PROM1: variants seen among roughly 807,000 people sequenced by gnomAD.
PROM1 encodes the protein prominin 1.
Under a neutral mutation model 116.9 loss-of-function variants are expected in PROM1, and 105 were observed. The ratio of observed to expected loss-of-function variants is 0.90; its 90% CI spans 0.77 to 1.06. The LOEUF (loss-of-function observed/expected upper bound fraction) is 1.06, where lower values mean the gene tolerates loss of function less well. PROM1 is among the 50% of genes least tolerant of loss of function. The probability of loss-of-function intolerance (pLI) is 0.00; values close to 1 mark genes in which losing one functional copy is unlikely to be tolerated. For synonymous variants in PROM1, 393 were observed against 387.0 expected (o/e 1.02, Z -0.18); for missense variants, 1,122 against 1,045.2 (o/e 1.07, Z -1.01).
chr4:16,040,554 A>C (rs948632425), intron 2 of PROM1, among the ~76,000 whole-genome samples: 2 of 152,270 alleles, frequency 1.3e-5, no homozygotes, highest in African/African-American at 4.8e-5. Context: ...TGCACAGCAT[A>C]ATATGTTGCA....
chr4:16,008,897 G>C, intron 12 of PROM1, 52 bp downstream of exon 12: 2 of 1,472,528 alleles, frequency 1.4e-6, no homozygotes, highest in African/African-American at 2.8e-5. Flanking sequence ...TTTTTATCTC[G>C]TTCTCTACAA....
intron 2 of PROM1, among the ~76,000 whole-genome samples, chr4:16,068,895 T>C (rs1032390559): frequency 9.2e-5 from 14 of 152,160 alleles, no homozygotes; most frequent in African/African-American, 3.4e-4. Context: ...CAGAATCACC[T>C]AAAATATTTT....
intron 2 of PROM1, among the ~76,000 whole-genome samples, chr4:16,057,381 T>C (rs186916650): frequency 6.6e-6 from 1 of 152,348 alleles, no homozygotes; most frequent in African/African-American, 2.4e-5. Context: ...ATGTCCTAAT[T>C]TCATCAGTGA....
At position 16,024,329 on chromosome 4, in the gene PROM1, G is replaced by C; in HGVS notation, c.660C>G (p.Asn220Lys). 2 of 1,613,388 alleles carry C rather than the reference G, an allele frequency of 1.2e-6. No individual in the cohort carries two copies. Among genetic ancestry groups the C allele is most frequent in the African/African-American group, 2.7e-5 (2 of 75,016 alleles). Reference protein sequence around the residue: ...EQIKYILAQYNTTKDKAFTDL... With the variant: ...EQIKYILAQYKTTKDKAFTDL... ...CTGTGAACGCCTTGTCCTTGGTAGT[G>C]TTGTACTGGGCCAATATATATTTGA... The change falls in exon 7 of 28, where the codon AAC (asparagine) becomes AAG (lysine). Residue 220 changes from asparagine to lysine, a missense_variant. Physicochemically the swap from Asn to Lys is moderately conservative, Grantham distance 94 (BLOSUM62 0). Coordinates refer to ENST00000447510, the MANE Select transcript of PROM1 (RefSeq NM_006017.3).
chr4:16,024,360 T>G lies in PROM1; in HGVS notation c.631-2A>C. 6.2e-7 allele frequency: 1 copy of G among 1,609,592 alleles called. No individual in the cohort carries two copies. Among genetic ancestry groups the G allele is most frequent in the East Asian group, 2.2e-5 (1 of 44,786 alleles). ...CTGGGCCAATATATATTTGATTTGCTGAAAAAAGAACATTCTGTGAAACCT... is the reference window on the plus strand; with the variant it reads ...CTGGGCCAATATATATTTGATTTGCGGAAAAAAGAACATTCTGTGAAACCT... On this transcript the variant is annotated splice_acceptor_variant, in intron 6 of 27. Transcript: ENST00000447510. LOFTEE classifies it high-confidence loss of function.
intron 3 of PROM1, 43 bp from the exon 4 acceptor site, chr4:16,035,804 A>G (rs1179960823): frequency 1.3e-6 from 2 of 1,586,656 alleles, no homozygotes; most frequent in Non-Finnish European, 8.7e-7. Context: ...CAGAGGCAGC[A>G]TGCATCAAGA....
chr4:16,035,496 C>T (rs1361059702), intron 4 of PROM1, among the ~76,000 whole-genome samples: 2 of 152,216 alleles, frequency 1.3e-5, no homozygotes, highest in African/African-American at 4.8e-5. Context: ...GCCGACTAGA[C>T]GAAGGCCTGT....
At chr4:16,024,849 G>A (rs1730842646) in intron 6 of PROM1, among the ~76,000 whole-genome samples, 3 of 152,128 alleles carry the variant, frequency 2.0e-5, no homozygotes, top group Admixed American at 6.5e-5. Flanking sequence ...GTGATGGAAA[G>A]TTAACTATAC....
chr4:16,068,856 C>T (rs1405959908), intron 2 of PROM1, among the ~76,000 whole-genome samples: 1 of 152,160 alleles, frequency 6.6e-6, no homozygotes, highest in Non-Finnish European at 1.5e-5. Context: ...CAACTCCACT[C>T]CCACACACAC....
intron 27 of PROM1, 29 bp downstream of exon 27, chr4:15,971,014 A>T: frequency 1.3e-6 from 2 of 1,534,484 alleles, no homozygotes; most frequent in Non-Finnish European, 1.8e-6. Context: ...AGTCCTGTAG[A>T]TTCTCTTCAA....
intron 23 of PROM1, 69 bp from the exon 24 acceptor site, chr4:15,980,606 A>ATT (rs200645062): frequency 1.5e-4 from 111 of 733,940 alleles, no homozygotes; most frequent in South Asian, 3.2e-4. Flanking sequence ...TGTTTGGGGG[A>ATT]TTTTTTTTTT....
At chr4:16,034,249 T>G (rs909425640) in intron 4 of PROM1, among the ~76,000 whole-genome samples, 1 of 152,116 alleles carries the variant, frequency 6.6e-6, no homozygotes, top group Non-Finnish European at 1.5e-5. Context: ...GTATCTTAAT[T>G]TAGAAAAAAG....
At position 15,985,787 on chromosome 4, in the gene PROM1, T is replaced by C. The variant is rs368580524; in HGVS notation, c.2253A>G (p.Glu751=). ...KYGRTIIGYF[E]HYLQWIEFSI... ...AGAACTCGATCCACTGCAGATAATG[T>C]TCAAAATATCCTATTATTGTTCTCC... Residue 751 remains glutamate (E), a synonymous_variant, in exon 22 of 28, where the codon GAA becomes GAG. Transcript: ENST00000447510. 1.6e-4 allele frequency: 226 copies of C among 1,414,416 alleles called. No individual in the cohort carries two copies. The Middle Eastern group carries it at 2.1e-3, about 13-fold the overall frequency. The allele number at this position is 1,414,416 out of a possible 1,614,324, so 87.6% of individuals were successfully genotyped here. A position where few individuals can be genotyped will look rare whatever the true frequency, so the allele number is the denominator to read the frequency against.
In PROM1 at chr4:16,025,325, G is replaced by T; in HGVS notation, c.510-13C>A. ...GAAGATGCCAATGCTGCAGGAAAAG[G>T]CAGAGAGAAGAAAGAGCATTTACTG... On this transcript the variant is annotated splice_polypyrimidine_tract_variant and intron_variant, in intron 5 of 27. Coordinates refer to ENST00000447510, the MANE Select transcript of PROM1 (RefSeq NM_006017.3). 3.1e-6 allele frequency: 5 copies of T among 1,613,210 alleles called. No individual in the cohort carries two copies. The highest frequency in any genetic ancestry group is 3.4e-6 in the Non-Finnish European group (4 of 1,179,332).
At chr4:16,051,856 T>C (rs1249468404) in intron 2 of PROM1, among the ~76,000 whole-genome samples, 1 of 152,170 alleles carries the variant, frequency 6.6e-6, no homozygotes, top group Non-Finnish European at 1.5e-5. Context: ...AAACTCCAAA[T>C]GAGACTGGGA....
At chr4:16,064,801 G>A (rs1320942403) in intron 2 of PROM1, among the ~76,000 whole-genome samples, 3 of 152,048 alleles carry the variant, frequency 2.0e-5, no homozygotes, top group Non-Finnish European at 1.5e-5. Flanking sequence ...GCAGAGGCAA[G>A]AGAATCACTT....
At chr4:16,021,098 CAA>C (rs34850856) in intron 8 of PROM1, among the ~76,000 whole-genome samples, 4 of 130,060 alleles carry the variant, frequency 3.1e-5, no homozygotes, top group Admixed American at 7.9e-5. Context: ...CATTTTTAGC[CAA>C]AAAAAAAAAA....
At chr4:15,973,506 G>A (rs1423530136) in intron 26 of PROM1, among the ~76,000 whole-genome samples, 1 of 152,150 alleles carries the variant, frequency 6.6e-6, no homozygotes, top group East Asian at 1.9e-4. Context: ...ATCTACAGCC[G>A]AACTAGCAAG....
intron 20 of PROM1, among the ~76,000 whole-genome samples, chr4:15,986,997 C>T (rs1218419337): frequency 3.9e-5 from 6 of 152,202 alleles, no homozygotes; most frequent in East Asian, 1.9e-4. Context: ...TGCTTGCAGC[C>T]CACACATGGC....
Sources: allele counts gnomAD v4.1 joint callset (sites outside exome capture counted in the v4.1 genomes callset), GRCh38; gene constraint gnomAD v4.1.1; transcripts MANE v1.5; gene names NCBI Gene and HGNC (gene_info 2026-07-23, HGNC 2026-07-21).